Variants in C6orf89 observed in about 807,000 individuals in gnomAD.
C6orf89 encodes the protein chromosome 6 open reading frame 89, also known as bombesin receptor-activated protein C6orf89.
C6orf89 carries 29 observed loss-of-function variants against 40.7 expected under a neutral mutation model. That is an observed-to-expected ratio of 0.71 (90% confidence interval 0.53 to 0.97). The LOEUF (loss-of-function observed/expected upper bound fraction) is 0.97, where lower values mean the gene tolerates loss of function less well. Among genes scored for constraint, C6orf89 ranks in the 50% least tolerant of loss-of-function variants. The probability of loss-of-function intolerance (pLI) is 0.00; values close to 1 mark genes in which losing one functional copy is unlikely to be tolerated. For missense variants in C6orf89, 392 were observed against 429.1 expected, an observed-to-expected ratio of 0.91 and a Z score of 0.76; for synonymous variants, 165 against 152.2, an observed-to-expected ratio of 1.08 and a Z score of -0.62.
intron 4 of C6orf89, among the ~76,000 whole-genome samples, chr6:36,903,638 T>G (rs1761809633): frequency 6.6e-6 from 1 of 152,132 alleles, no homozygotes; most frequent in South Asian, 2.1e-4. Context: ...TTTTTGTATT[T>G]CTAGTAGAGA....
intron 1 of C6orf89, chr6:36,874,788 G>A (rs1188109475): frequency 4.3e-6 from 7 of 1,613,804 alleles, no homozygotes; most frequent in South Asian, 2.2e-5. Flanking sequence ...AGCCGGCGGC[G>A]GAATGCTTGT....
intron 1 of C6orf89, among the ~76,000 whole-genome samples, chr6:36,876,724 CAAAAA>C (rs71540176): frequency 2.2e-5 from 2 of 92,216 alleles, no homozygotes; most frequent in African/African-American, 4.2e-5. Context: ...AACTCCATCT[CAAAAA>C]AAAAAAAAAA....
chr6:36,889,248 G>C (rs1037433997), intron 1 of C6orf89, among the ~76,000 whole-genome samples: 1 of 152,222 alleles, frequency 6.6e-6, no homozygotes, highest in African/African-American at 2.4e-5. Context: ...TGAAAAAAAC[G>C]TCCTTCGAAC....
intron 6 of C6orf89, 67 bp from the exon 7 acceptor site, chr6:36,916,378 G>C: frequency 1.9e-6 from 3 of 1,589,646 alleles, no homozygotes; most frequent in Non-Finnish European, 2.6e-6. Flanking sequence ...CCCTTACTTG[G>C]CTCTCTCTTA....
rs1267145618 is a variant in C6orf89, at chr6:36,919,476, A to G, written c.826-102A>G. 8.0e-6 allele frequency: 11 copies of G among 1,374,598 alleles called. No homozygotes were observed. The Admixed American group carries it at 2.4e-4, about 30-fold the overall frequency. The allele number at this position is 1,374,598 out of a possible 1,614,324, so 85.2% of individuals were successfully genotyped here. On this transcript the variant is annotated intron_variant, in intron 7 of 8. Transcript: ENST00000480824. The stretch of plus-strand genomic sequence containing the variant: ...TATTTCCTCTTTGCTTATGCTAGGA[A>G]ACTCAGAGCCATATGTGAAAGCATT...
intron 7 of C6orf89, among the ~76,000 whole-genome samples, chr6:36,918,093 T>A (rs1762389996): frequency 6.6e-6 from 1 of 152,202 alleles, no homozygotes; most frequent in Admixed American, 6.5e-5. Flanking sequence ...CCCTGGGCCC[T>A]GGGCCCTGTT....
At chr6:36,876,805 T>C (rs1393409551) in intron 1 of C6orf89, among the ~76,000 whole-genome samples, 2 of 151,668 alleles carry the variant, frequency 1.3e-5, no homozygotes, top group Non-Finnish European at 2.9e-5. Flanking sequence ...CAGAGTAGGT[T>C]TGGACAGTCA....
intron 2 of C6orf89, among the ~76,000 whole-genome samples, chr6:36,879,685 T>C (rs1774751473): frequency 6.6e-6 from 1 of 152,154 alleles, no homozygotes; most frequent in African/African-American, 2.4e-5. Context: ...AAACACGGGC[T>C]TAGGACCCCA....
chr6:36,892,154 C>T (rs995566449), intron 1 of C6orf89, among the ~76,000 whole-genome samples: 2 of 152,162 alleles, frequency 1.3e-5, no homozygotes, highest in African/African-American at 4.8e-5. Context: ...TTGTCTCCTC[C>T]TATTTCTGAA....
chr6:36,888,993 C>A (rs189117681), intron 1 of C6orf89, among the ~76,000 whole-genome samples: 1 of 152,264 alleles, frequency 6.6e-6, no homozygotes, highest in Non-Finnish European at 1.5e-5. Context: ...ACTTGGATCA[C>A]CGTGTCTGGT....
At chr6:36,901,892 C>T (rs564925242) in intron 3 of C6orf89, among the ~76,000 whole-genome samples, 2 of 151,740 alleles carry the variant, frequency 1.3e-5, no homozygotes, top group African/African-American at 4.8e-5. Flanking sequence ...AGGATGGTCT[C>T]GATCTCCTGA....
At chr6:36,883,059 A>C (rs1774869145), upstream of C6orf89, 1 of 152,390 alleles carries the variant, frequency 6.6e-6, no homozygotes, top group Non-Finnish European at 1.5e-5. Context: ...TTTTCAATGC[A>C]TGTTTTCTGG....
At chr6:36,875,014 T>G in intron 1 of C6orf89, 2 of 527,704 alleles carry the variant, frequency 3.8e-6, no homozygotes, top group Non-Finnish European at 6.7e-6. Flanking sequence ...GGTCTCCAAG[T>G]GGCGATACCG....
chr6:36,893,907 C>G (rs911699186), intron 1 of C6orf89, among the ~76,000 whole-genome samples: 2 of 151,960 alleles, frequency 1.3e-5, no homozygotes, highest in African/African-American at 4.8e-5. Flanking sequence ...GCCTGTAATT[C>G]CAGCTGCTCA....
intron 1 of C6orf89, among the ~76,000 whole-genome samples, chr6:36,886,277 G>A (rs1422336653): frequency 1.3e-5 from 2 of 152,298 alleles, no homozygotes; most frequent in African/African-American, 4.8e-5. Context: ...AAACGAGGTG[G>A]ACCTTGCTTG....
intron 1 of C6orf89, among the ~76,000 whole-genome samples, chr6:36,877,416 C>T (rs1377816901): frequency 6.6e-6 from 1 of 152,128 alleles, no homozygotes; most frequent in Non-Finnish European, 1.5e-5. Context: ...CTGTAACCTC[C>T]ACCTCGTGGG....
chr6:36,907,368 AT>A (rs1195960346), intron 4 of C6orf89, among the ~76,000 whole-genome samples: 2 of 152,100 alleles, frequency 1.3e-5, no homozygotes, highest in African/African-American at 4.8e-5. Flanking sequence ...ATTCCAGGAT[AT>A]GTTATGGTTG....
At chr6:36,888,856 G>A (rs1353548694) in intron 1 of C6orf89, among the ~76,000 whole-genome samples, 5 of 152,178 alleles carry the variant, frequency 3.3e-5, no homozygotes, top group Admixed American at 6.5e-5. Context: ...GAGGTAGGAG[G>A]AGAATAGTTT....
intron 1 of C6orf89, among the ~76,000 whole-genome samples, chr6:36,887,432 T>G (rs1459892644): frequency 2.0e-5 from 3 of 152,210 alleles, no homozygotes; most frequent in Admixed American, 2.0e-4. Flanking sequence ...TCTCCATTTA[T>G]CTCTGCTTTC....
Sources: gnomAD v4.1 joint callset for allele counts (sites outside exome capture counted in the v4.1 genomes callset) on GRCh38, gnomAD v4.1.1 for gene constraint, MANE v1.5 for transcripts, NCBI Gene and HGNC (gene_info 2026-07-23, HGNC 2026-07-21) for gene names.